The following SLC8A3 variants were observed in gnomAD, a reference collection of about 807,000 sequenced individuals.
The protein encoded by SLC8A3 is sodium/calcium exchanger 3.
Under a neutral mutation model 65.4 loss-of-function variants are expected in SLC8A3, and 37 were observed. The observed-to-expected ratio is 0.57, with a 90% CI of 0.44 to 0.74. The LOEUF (loss-of-function observed/expected upper bound fraction) is 0.74, where lower values mean the gene tolerates loss of function less well. SLC8A3 is among the 30% of genes least tolerant of loss of function. The pLI is 0.00. For synonymous variants in SLC8A3, 461 were observed against 444.5 expected, an observed-to-expected ratio of 1.04 and a Z score of -0.47; for missense variants, 1,112 against 1,172.1, an observed-to-expected ratio of 0.95 and a Z score of 0.75.
intron 2 of SLC8A3, among the ~76,000 whole-genome samples, chr14:70,132,188 TG>T (rs1477678539): frequency 6.6e-6 from 1 of 152,214 alleles, no homozygotes; most frequent in East Asian, 1.9e-4. Flanking sequence ...CCCCTTTTGG[TG>T]GTCACTTCTT....
intron 2 of SLC8A3, among the ~76,000 whole-genome samples, chr14:70,110,321 A>AACCCCCCCCCCC (rs1893195020): frequency 1.4e-5 from 1 of 71,678 alleles, no homozygotes; most frequent in Non-Finnish European, 3.0e-5. Context: ...TAACCATCCC[A>AACCCCCCCCCCC]CCCTCCCCCT....
At chr14:70,154,932 T>C (rs1260315595) in intron 2 of SLC8A3, among the ~76,000 whole-genome samples, 1 of 150,372 alleles carries the variant, frequency 6.7e-6, no homozygotes, top group African/African-American at 2.4e-5. Context: ...TTTTTTTTTT[T>C]TTTTTGAGAC....
At position 70,148,722 on chromosome 14, in the gene SLC8A3, C is replaced by A. The variant is rs555632682; in HGVS notation, c.1784+17917G>T. Among the ~76,000 whole-genome samples the A allele has an allele frequency of 3.3e-5, 5 of 152,270 alleles. 1 individual carries two copies. In the East Asian group the frequency reaches 5.8e-4, roughly 18 times the overall value. On this transcript the variant is annotated intron_variant, in intron 2 of 6. Transcript: ENST00000356921. Reference sequence around the variant, plus strand: ...TTATATTTTTGATGTACACAAACAGCAATACATACGATTCAACCAGCTATG... The same window carrying A: ...TTATATTTTTGATGTACACAAACAGAAATACATACGATTCAACCAGCTATG...
intron 2 of SLC8A3, among the ~76,000 whole-genome samples, chr14:70,132,787 T>C (rs77081224): frequency 6.6e-6 from 1 of 152,142 alleles, no homozygotes; most frequent in East Asian, 1.9e-4. Context: ...CCAAGGCAAG[T>C]GAGCTGAGAC....
intron 2 of SLC8A3, among the ~76,000 whole-genome samples, chr14:70,070,828 C>T (rs1231731702): frequency 2.0e-5 from 3 of 152,196 alleles, no homozygotes; most frequent in Non-Finnish European, 4.4e-5. Context: ...AATAAACCAG[C>T]TTCCCAGGAA....
intron 1 of SLC8A3, among the ~76,000 whole-genome samples, chr14:70,176,463 G>T (rs185156800): frequency 3.0e-4 from 45 of 152,294 alleles, no homozygotes; most frequent in African/African-American, 1.0e-3. Flanking sequence ...TTTTTGAAAA[G>T]TTCTTTTATT....
At chr14:70,128,827 T>C (rs1273277669) in intron 2 of SLC8A3, among the ~76,000 whole-genome samples, 1 of 152,212 alleles carries the variant, frequency 6.6e-6, no homozygotes, top group Non-Finnish European at 1.5e-5. Context: ...GGTGTAGGTA[T>C]AAAAGTTTTC....
At position 70,150,942 on chromosome 14, in the gene SLC8A3, G is replaced by A. The variant is rs1896230862; in HGVS notation, c.1784+15697C>T. On this transcript the variant is annotated intron_variant, in intron 2 of 6. Transcript: ENST00000356921. The stretch of plus-strand genomic sequence containing the variant: ...TTCATGGCTGCCCCTGCCTAGGCTG[G>A]AACTTCTGGGCAGTTGTTTAAGAAC... 1.3e-5 allele frequency among the ~76,000 whole-genome samples: 2 copies of A among 152,174 alleles called. 1 individual carries two copies. Among genetic ancestry groups the A allele is most frequent in the South Asian group, 4.1e-4 (2 of 4,834 alleles).
At chr14:70,163,088 C>A (rs192961169) in intron 2 of SLC8A3, among the ~76,000 whole-genome samples, 1 of 152,206 alleles carries the variant, frequency 6.6e-6, no homozygotes, top group Non-Finnish European at 1.5e-5. Flanking sequence ...TATTTAACCC[C>A]AGTGCCTAGT....
At chr14:70,106,302 C>T (rs1410088485) in intron 2 of SLC8A3, among the ~76,000 whole-genome samples, 1 of 152,030 alleles carries the variant, frequency 6.6e-6, no homozygotes. Flanking sequence ...ATTTTGCAAC[C>T]CCTTTGTGCT....
At position 70,167,879 on chromosome 14, in the gene SLC8A3, T is replaced by A; in HGVS notation, c.544A>T (p.Ile182Phe). ...GSAAFNMFII[I>F]GICVYVIPDG... ...GGGATCACGTAGACACAGATGCCAA[T>A]GATGATGAACATGTTGAAGGCTGCA... Residue 182 changes from isoleucine (I) to phenylalanine (F), a missense_variant, in exon 2 of 7, where the codon ATT becomes TTT. By Grantham distance (21) the Ile-to-Phe change is conservative. Coordinates refer to ENST00000356921, the MANE Select transcript of SLC8A3 (RefSeq NM_182932.3). 6.2e-7 allele frequency: 1 copy of A among 1,614,114 alleles called. No homozygotes were observed. The highest frequency in any genetic ancestry group is 8.5e-7 in the Non-Finnish European group (1 of 1,180,030).
Position 70,167,208 on chromosome 14 carries a change from G to C in SLC8A3, c.1215C>G (p.Tyr405Ter), listed in dbSNP as rs1897226671. The change falls in exon 2 of 7, where the codon TAC (tyrosine) becomes TAG (stop). Residue 405 changes from tyrosine to a stop codon, truncating the protein, a stop_gained. Transcript: ENST00000356921. LOFTEE classifies it high-confidence loss of function. ...CAGCCCCACAGTTCTCCAGGCACTGGTAAGAACATGGGTCAAAGAAGACCT... is the reference window on the plus strand; with the variant it reads ...CAGCCCCACAGTTCTCCAGGCACTGCTAAGAACATGGGTCAAAGAAGACCT... ...ISKVFFDPCS[Y>*]QCLENCGAVL... 6.2e-7 allele frequency: 1 copy of C among 1,614,010 alleles called. No individual in the cohort carries two copies. Among genetic ancestry groups the C allele is most frequent in the African/African-American group, 1.3e-5 (1 of 74,906 alleles).
At chr14:70,061,002 G>T in intron 2 of SLC8A3, 63 bp from the exon 3 acceptor site, 1 of 728,948 alleles carries the variant, frequency 1.4e-6, no homozygotes, top group Non-Finnish European at 2.4e-6. Flanking sequence ...GTCACCTGGA[G>T]CACAGCCTTT....
Position 70,167,905 on chromosome 14 carries a change from C to T in SLC8A3, c.518G>A (p.Ser173Asn). ...GATGATGAACATGTTGAAGGCTGCA[C>T]TCCCTACAATGGTAGAAGGTCCCAG... ...GDLGPSTIVGSAAFNMFIIIG... is the reference protein window; with the variant it reads ...GDLGPSTIVGNAAFNMFIIIG... Residue 173 changes from serine (S) to asparagine (N), a missense_variant, in exon 2 of 7, where the codon AGT becomes AAT. Ser to Asn is a conservative substitution (Grantham distance 46). Transcript: ENST00000356921. 1 of 1,614,156 alleles carries T rather than the reference C, an allele frequency of 6.2e-7. No homozygotes were observed. The highest frequency in any genetic ancestry group is 8.5e-7 in the Non-Finnish European group (1 of 1,180,020).
chr14:70,166,740 T>G lies in SLC8A3; in HGVS notation c.1683A>C (p.Thr561=), dbSNP rs1340756147. 1 of 1,613,958 alleles carries G rather than the reference T, an allele frequency of 6.2e-7. No homozygotes were observed. Among genetic ancestry groups the G allele is most frequent in the Admixed American group, 1.7e-5 (1 of 59,996 alleles). The change falls in exon 2 of 7, where the codon ACA becomes ACC. Residue 561 remains threonine (T), a synonymous_variant. Coordinates refer to ENST00000356921, the MANE Select transcript of SLC8A3 (RefSeq NM_182932.3). The part of the protein sequence containing the change: ...KVLRTSGARG[T]VIVPFRTVEG... ...CTACTGTCCTAAAGGGGACGATGACTGTACCCCGGGCACCTGATGTCCGCA... is the reference window on the plus strand; with the variant it reads ...CTACTGTCCTAAAGGGGACGATGACGGTACCCCGGGCACCTGATGTCCGCA...
At chr14:70,109,453 G>GTATATATATATATATATATA (rs3078221) in intron 2 of SLC8A3, among the ~76,000 whole-genome samples, 3 of 146,548 alleles carry the variant, frequency 2.0e-5, no homozygotes, top group African/African-American at 7.5e-5. Flanking sequence ...GTACGTGTGT[G>GTATATATATATATATATATA]TATATATATA....
At position 70,167,040 on chromosome 14, in the gene SLC8A3, CT is replaced by C. The variant is rs1897210801; in HGVS notation, c.1382del (p.Gln461ArgfsTer8). 6.2e-7 allele frequency: 1 copy of C among 1,613,812 alleles called. No homozygotes were observed. The highest frequency in any genetic ancestry group is 1.3e-5 in the African/African-American group (1 of 74,938). On this transcript the variant is annotated frameshift_variant, in exon 2 of 7. Coordinates refer to ENST00000356921, the MANE Select transcript of SLC8A3 (RefSeq NM_182932.3). LOFTEE classifies it high-confidence loss of function. ...GTVVLKPGET[Q>X]KEFSVGIIDD... ...CAATTATGCCCACGGAGAACTCCTT[CT>C]GGGTCTCTCCTGGCTTCAGAACCAC...
intron 2 of SLC8A3, among the ~76,000 whole-genome samples, chr14:70,131,423 T>C (rs750983841): frequency 7.9e-5 from 12 of 152,204 alleles, no homozygotes; most frequent in Non-Finnish European, 1.6e-4. Context: ...GGTAGATAAT[T>C]TAACTTCCAA....
chr14:70,128,057 C>T (rs1435913097), intron 2 of SLC8A3, among the ~76,000 whole-genome samples: 1 of 152,164 alleles, frequency 6.6e-6, no homozygotes, highest in Non-Finnish European at 1.5e-5. Flanking sequence ...CCCCCAAAAC[C>T]TTACAAACTT....
Sources: allele counts gnomAD v4.1 joint callset (sites outside exome capture counted in the v4.1 genomes callset), GRCh38; gene constraint gnomAD v4.1.1; transcripts MANE v1.5; gene names NCBI Gene and HGNC (gene_info 2026-07-23, HGNC 2026-07-21).